Variants in ACKR3 observed in about 807,000 individuals in gnomAD.
The protein encoded by ACKR3 is atypical chemokine receptor 3.
ACKR3 carries 6 observed loss-of-function variants against 22.4 expected under a neutral mutation model. The observed-to-expected ratio is 0.27, with a 90% CI of 0.15 to 0.53. The LOEUF (loss-of-function observed/expected upper bound fraction) is 0.53. Ranked by LOEUF, ACKR3 falls within the 20% of genes least tolerant of loss-of-function variation. The pLI, the probability that ACKR3 is intolerant of heterozygous loss-of-function variation, is 0.96. For missense variants in ACKR3, 396 were observed against 475.2 expected (o/e 0.83, Z 1.55); for synonymous variants, 209 against 205.2 (o/e 1.02, Z -0.16).
At chr2:236,576,088 C>T (rs1256860489) in intron 1 of ACKR3, among the ~76,000 whole-genome samples, 2 of 152,158 alleles carry the variant, frequency 1.3e-5, no homozygotes, top group Non-Finnish European at 1.5e-5. Context: ...GGCACTGAGG[C>T]CCTAGAGACG....
the ACKR3 span, among the ~76,000 whole-genome samples, chr2:236,553,236 C>T: frequency 3.1e-4 from 47 of 152,112 alleles, no homozygotes; most frequent in Non-Finnish European, 6.0e-4. Flanking sequence ...AATCCCACTC[C>T]GAAGCCAGAG....
chr2:236,558,231 G>T, the ACKR3 span, among the ~76,000 whole-genome samples: 1 of 152,192 alleles, frequency 6.6e-6, no homozygotes, highest in Non-Finnish European at 1.5e-5. Context: ...TATAGGCAGT[G>T]CGTGGAGAGT....
upstream of ACKR3, among the ~76,000 whole-genome samples, chr2:236,565,355 A>G (rs6744410): frequency 0.057 from 8,674 of 152,298 alleles, 742 homozygotes; most frequent in African/African-American, 0.19. Flanking sequence ...CAGCAGGTGC[A>G]ACAAGATGAC....
chr2:236,545,532 G>A, the ACKR3 span, among the ~76,000 whole-genome samples: 1 of 152,214 alleles, frequency 6.6e-6, no homozygotes, highest in Non-Finnish European at 1.5e-5. This position sits in a 1 kb window ranked among gnomAD's most constrained non-coding sequence, Gnocchi z 5.3. Context: ...TCAATGTTTA[G>A]ACGATGATGT....
chr2:236,572,618 C>T (rs982968688), intron 1 of ACKR3, among the ~76,000 whole-genome samples: 9 of 152,232 alleles, frequency 5.9e-5, no homozygotes, highest in Admixed American at 2.0e-4. Context: ...TGGCTGACCT[C>T]CCACTGCCTC....
In ACKR3 at chr2:236,580,573, C is replaced by G; in HGVS notation, c.108C>G (p.Asn36Lys). The G allele has an allele frequency of 6.2e-7, 1 of 1,613,734 alleles. No individual in the cohort carries two copies. The highest frequency in any genetic ancestry group is 8.5e-7 in the Non-Finnish European group (1 of 1,179,808). The change falls in exon 2 of 2, where the codon AAC becomes AAG. Residue 36 changes from asparagine (N) to lysine (K), a missense_variant. Transcript: ENST00000272928. ...CIVVDTVMCP[N>K]MPNKSVLLYT... is the part of the protein sequence containing the mutation. ...TGGTGGACACGGTGATGTGTCCCAACATGCCCAACAAAAGCGTCCTGCTCT... is the reference window on the plus strand; with the variant it reads ...TGGTGGACACGGTGATGTGTCCCAAGATGCCCAACAAAAGCGTCCTGCTCT...
chr2:236,566,385 G>T (rs1183152712), upstream of ACKR3, among the ~76,000 whole-genome samples: 2 of 152,220 alleles, frequency 1.3e-5, no homozygotes, highest in Admixed American at 1.3e-4. Flanking sequence ...CCTTCTCTGA[G>T]TTTTCTATTA....
chr2:236,550,200 G>A, the ACKR3 span, among the ~76,000 whole-genome samples: 39 of 152,286 alleles, frequency 2.6e-4, 2 homozygotes, highest in East Asian at 2.3e-3. The surrounding 1 kb of genome is among the most constrained non-coding windows in gnomAD (Gnocchi z 4.6). Context: ...CAGTGAAGGC[G>A]GTGTGTGAGG....
Position 236,580,736 on chromosome 2 carries a change from C to A in ACKR3, c.271C>A (p.Leu91Met), listed in dbSNP as rs145205829. The stretch of plus-strand genomic sequence containing the variant: ...CATCTTGAACCTGGCCATTGCCGAC[C>A]TGTGGGTTGTCCTCACCATCCCAGT... ...CYILNLAIAD[L>M]WVVLTIPVWV... The change falls in exon 2 of 2, where the codon CTG becomes ATG. Residue 91 changes from leucine to methionine, a missense_variant. Physicochemically the swap from Leu to Met is conservative, Grantham distance 15. Transcript: ENST00000272928. 2 of 1,614,092 alleles carry A rather than the reference C, an allele frequency of 1.2e-6. No homozygotes were observed. Among genetic ancestry groups the A allele is most frequent in the African/African-American group, 2.7e-5 (2 of 74,924 alleles).
chr2:236,562,585 G>A, the ACKR3 span, among the ~76,000 whole-genome samples: 1 of 152,022 alleles, frequency 6.6e-6, no homozygotes, highest in African/African-American at 2.4e-5. Context: ...TGCCAAAGTG[G>A]ACATGCCAAT....
At chr2:236,567,980 G>T, upstream of ACKR3, 1 of 153,460 alleles carries the variant, frequency 6.5e-6, no homozygotes, top group South Asian at 1.8e-4. Context: ...GGTGGGCGCG[G>T]GGCCGGGGCT....
the ACKR3 span, among the ~76,000 whole-genome samples, chr2:236,552,101 G>T: frequency 0.24 from 36,552 of 152,130 alleles, 6,404 homozygotes; most frequent in African/African-American, 0.5. Context: ...ATACTCTGAT[G>T]CAGGGTATTT....
At chr2:236,540,411 A>G in the ACKR3 span, among the ~76,000 whole-genome samples, 1 of 148,990 alleles carries the variant, frequency 6.7e-6, no homozygotes, top group East Asian at 2.0e-4. Context: ...GGTTCTTTCT[A>G]TATTCTGGAC....
rs189714777 is a variant in ACKR3, at chr2:236,575,893, G to T, written c.-26-4547G>T. Among the ~76,000 whole-genome samples the T allele has an allele frequency of 2.2e-4, 32 of 144,700 alleles. No individual in the cohort carries two copies. In the East Asian group the frequency reaches 6.2e-3, roughly 28 times the overall value. 94.9% of individuals were successfully genotyped at this position (144,700 alleles called of 152,430 possible). ...AATACTGCTTTAAAAAACATCTTGT[G>T]TACATTTGGAGACACATGAATATTT... On this transcript the variant is annotated intron_variant, in intron 1 of 1. Transcript: ENST00000272928.
At chr2:236,550,342 T>C in the ACKR3 span, among the ~76,000 whole-genome samples, 1 of 152,206 alleles carries the variant, frequency 6.6e-6, no homozygotes, top group African/African-American at 2.4e-5. This position sits in a 1 kb window ranked among gnomAD's most constrained non-coding sequence, Gnocchi z 4.6. Context: ...TGCGCACACA[T>C]CTGCCAGGCC....
the ACKR3 span, among the ~76,000 whole-genome samples, chr2:236,552,000 G>T: frequency 6.6e-6 from 1 of 152,190 alleles, no homozygotes; most frequent in Admixed American, 6.5e-5. Flanking sequence ...TGTGCACTCG[G>T]GCCTGGCTTC....
At chr2:236,558,456 C>T in the ACKR3 span, among the ~76,000 whole-genome samples, 3 of 152,054 alleles carry the variant, frequency 2.0e-5, no homozygotes, top group Non-Finnish European at 4.4e-5. Flanking sequence ...CTAGTTTTGG[C>T]CTGTTCTCAA....
At chr2:236,575,580 GTGTGTGCGTGTGTCTGGGGTTGTGCTC>G in intron 1 of ACKR3, among the ~76,000 whole-genome samples, 3 of 137,596 alleles carry the variant, frequency 2.2e-5, no homozygotes, top group African/African-American at 9.1e-5. Context: ...GGGTTGTGCT[GTGTGTGCGTGTGTCTGGGGTTGTGCTC>G]TGTGTGTGTG....
intron 1 of ACKR3, among the ~76,000 whole-genome samples, chr2:236,579,861 G>A (rs949473654): frequency 6.6e-6 from 1 of 152,214 alleles, no homozygotes; most frequent in African/African-American, 2.4e-5. Flanking sequence ...GGCCGCCTGA[G>A]ACCCAGGTTT....
Sources: allele counts gnomAD v4.1 joint callset (sites outside exome capture counted in the v4.1 genomes callset), GRCh38; gene constraint gnomAD v4.1.1; non-coding constraint Gnocchi (gnomAD v3.1); transcripts MANE v1.5; gene names NCBI Gene and HGNC (gene_info 2026-07-23, HGNC 2026-07-21).